CDKN2B-AS1: variants seen among roughly 807,000 people sequenced by gnomAD.
The protein encoded by CDKN2B-AS1 is CDKN2B antisense RNA 1 (non-protein coding).
At chr9:22,106,817 A>G (rs1020310138) in intron 4 of CDKN2B-AS1, among the ~76,000 whole-genome samples, 1 of 152,156 alleles carries the variant, frequency 6.6e-6, no homozygotes, top group Non-Finnish European at 1.5e-5. Flanking sequence ...ACAGTGCTAA[A>G]CTCTTTAAAA....
At chr9:22,127,385 G>A (rs900343987) in exon 5 of CDKN2B-AS1, among the ~76,000 whole-genome samples, 4 of 152,202 alleles carry the variant, frequency 2.6e-5, no homozygotes, top group African/African-American at 9.7e-5. Flanking sequence ...CAGCCTAAAT[G>A]TTTTCTTTAA....
intron 4 of CDKN2B-AS1, among the ~76,000 whole-genome samples, chr9:22,100,868 T>C (rs1825458617): frequency 6.6e-6 from 1 of 152,216 alleles, no homozygotes; most frequent in Non-Finnish European, 1.5e-5. Context: ...TGGTACTTCA[T>C]TGTGGGTTTG....
At position 22,108,665 on chromosome 9, in the gene CDKN2B-AS1, C is replaced by T. The variant is rs952887449; in HGVS notation, n.439-18438C>T. Among the ~76,000 whole-genome samples, 3 of 152,210 alleles carry T rather than the reference C, an allele frequency of 2.0e-5. No individual in the cohort carries two copies. In the South Asian group the frequency reaches 6.2e-4, roughly 32 times the overall value. On this transcript the variant is annotated intron_variant and non_coding_transcript_variant, in intron 4 of 4. Coordinates refer to ENST00000650946, the Ensembl canonical transcript of CDKN2B-AS1. ...CTCATCCTTTTCATTTACAAAGAAA[C>T]AAATTTGAGCAGTTTCACAATTTAA... is the stretch of plus-strand genomic sequence containing the variant.
chr9:22,015,926 AT>A (rs1188187209), intron 1 of CDKN2B-AS1, among the ~76,000 whole-genome samples: 2 of 152,094 alleles, frequency 1.3e-5, no homozygotes, highest in South Asian at 2.1e-4. Flanking sequence ...TCCTTCGCCC[AT>A]TTTTTGATGG....
intron 1 of CDKN2B-AS1, among the ~76,000 whole-genome samples, chr9:22,025,536 G>T (rs1176751185): frequency 6.6e-6 from 1 of 152,164 alleles, no homozygotes; most frequent in African/African-American, 2.4e-5. Flanking sequence ...TTGAAGAGAT[G>T]TGGGAATGGG....
rs1956407568 is a variant in CDKN2B-AS1, at chr9:22,000,495, T to C, written n.29+5334T>C. Among the ~76,000 whole-genome samples the C allele has an allele frequency of 6.6e-6, 1 of 152,148 alleles. No individual in the cohort carries two copies. The highest frequency in any genetic ancestry group is 1.5e-5 in the Non-Finnish European group (1 of 68,016). On this transcript the variant is annotated intron_variant and non_coding_transcript_variant, in intron 1 of 4. Coordinates refer to ENST00000650946, the Ensembl canonical transcript of CDKN2B-AS1. The surrounding 1 kb of genome is among the most constrained non-coding windows in gnomAD (Gnocchi z 4.1). Reference sequence around the variant, plus strand: ...TGATCAAATGTTTTTCAGAAAATATTATAGGTGGCACTTTGGCAGGAGATT... The same window carrying C: ...TGATCAAATGTTTTTCAGAAAATATCATAGGTGGCACTTTGGCAGGAGATT...
At chr9:22,063,006 G>T (rs191664004) in intron 4 of CDKN2B-AS1, among the ~76,000 whole-genome samples, 31,850 of 116,196 alleles carry the variant, frequency 0.27, 3,983 homozygotes, top group Admixed American at 0.41. Context: ...TATAGAGAGA[G>T]AGAGAGAGAG....
chr9:22,022,784 T>C (rs537239161), intron 1 of CDKN2B-AS1, among the ~76,000 whole-genome samples: 1 of 152,348 alleles, frequency 6.6e-6, no homozygotes, highest in African/African-American at 2.4e-5. Context: ...TTTCCACAAT[T>C]AGTGCTTCCT....
chr9:22,044,817 T>C (rs1224863380), intron 1 of CDKN2B-AS1, among the ~76,000 whole-genome samples: 1 of 151,948 alleles, frequency 6.6e-6, no homozygotes, highest in Non-Finnish European at 1.5e-5. Context: ...TTTGTCATCT[T>C]GGCTGGGAAA....
intron 4 of CDKN2B-AS1, among the ~76,000 whole-genome samples, chr9:22,068,687 T>C (rs1824166447): frequency 6.6e-6 from 1 of 152,212 alleles, no homozygotes; most frequent in South Asian, 2.1e-4. Context: ...ATGAGCTCCT[T>C]TAGTAAACGT....
intron 1 of CDKN2B-AS1, among the ~76,000 whole-genome samples, chr9:22,027,397 T>A (rs923552550): frequency 6.6e-6 from 1 of 152,106 alleles, no homozygotes. Context: ...TGGAAAAAAC[T>A]CAGAGGACAG....
chr9:22,022,065 T>C (rs1453929530), intron 1 of CDKN2B-AS1, among the ~76,000 whole-genome samples: 1 of 152,228 alleles, frequency 6.6e-6, no homozygotes, highest in Non-Finnish European at 1.5e-5. Flanking sequence ...GAGGAGTGTT[T>C]TAATTCCAAT....
intron 1 of CDKN2B-AS1, among the ~76,000 whole-genome samples, chr9:22,032,243 T>C (rs954761856): frequency 6.6e-6 from 1 of 152,186 alleles, no homozygotes; most frequent in African/African-American, 2.4e-5. Flanking sequence ...ATCATGTGGT[T>C]GTGAGCCCCA....
chr9:22,041,537 T>G (rs1822896975), intron 1 of CDKN2B-AS1, among the ~76,000 whole-genome samples: 1 of 152,054 alleles, frequency 6.6e-6, no homozygotes, highest in Non-Finnish European at 1.5e-5. Flanking sequence ...AACATTAAAC[T>G]TTGTCTAGTT....
chr9:22,015,220 C>A (rs1365803995), intron 1 of CDKN2B-AS1, among the ~76,000 whole-genome samples: 3 of 152,124 alleles, frequency 2.0e-5, no homozygotes, highest in Non-Finnish European at 2.9e-5. Flanking sequence ...GTTTACAGTC[C>A]CACCAACAGT....
intron 4 of CDKN2B-AS1, among the ~76,000 whole-genome samples, chr9:22,069,788 AC>A (rs1172717231): frequency 6.6e-6 from 1 of 152,120 alleles, no homozygotes; most frequent in African/African-American, 2.4e-5. Context: ...GTAACTTTGT[AC>A]CTGTCGACCA....
At chr9:22,125,268 G>A (rs981796779) in intron 4 of CDKN2B-AS1, among the ~76,000 whole-genome samples, 6 of 152,184 alleles carry the variant, frequency 3.9e-5, no homozygotes, top group Admixed American at 2.0e-4. Context: ...GATCATACCC[G>A]AAGTAGAGCT....
chr9:22,095,868 G>C (rs571601793), intron 4 of CDKN2B-AS1, among the ~76,000 whole-genome samples: 5 of 150,812 alleles, frequency 3.3e-5, no homozygotes, highest in Non-Finnish European at 5.9e-5. Context: ...TTTTGATTTT[G>C]TTGGTTTAAA....
chr9:22,011,764 C>T (rs1821519779), intron 1 of CDKN2B-AS1, among the ~76,000 whole-genome samples: 1 of 152,188 alleles, frequency 6.6e-6, no homozygotes, highest in South Asian at 2.1e-4. Context: ...GATTATGAAA[C>T]ATTTTACCTC....
Sources: gnomAD v4.1 joint callset for allele counts (sites outside exome capture counted in the v4.1 genomes callset) on GRCh38, gnomAD v4.1.1 for gene constraint, Gnocchi (gnomAD v3.1) non-coding constraint, MANE v1.5 for transcripts, NCBI Gene and HGNC (gene_info 2026-07-23, HGNC 2026-07-21) for gene names.